Variants in USP53 observed in about 807,000 individuals in gnomAD.
The protein encoded by USP53 is ubiquitin carboxyl-terminal hydrolase 53.
USP53 carries 71 observed loss-of-function variants against 94.9 expected under a neutral mutation model. The observed-to-expected ratio is 0.75, with a 90% CI of 0.62 to 0.91. The LOEUF (loss-of-function observed/expected upper bound fraction) is 0.91, where lower values mean the gene tolerates loss of function less well. Ranked by LOEUF, USP53 falls within the 40% of genes least tolerant of loss-of-function variation. The probability of loss-of-function intolerance (pLI) is 0.00; values close to 1 mark genes in which losing one functional copy is unlikely to be tolerated. For synonymous variants in USP53, 375 were observed against 422.7 expected, an observed-to-expected ratio of 0.89 and a Z score of 1.39; for missense variants, 1,173 against 1,281.0, an observed-to-expected ratio of 0.92 and a Z score of 1.29.
intron 7 of USP53, 80 bp from the exon 8 acceptor site, chr4:119,256,166 A>T (rs1749738516): frequency 1.1e-6 from 1 of 950,582 alleles, no homozygotes; most frequent in African/African-American, 1.7e-5. Context: ...TACTTTGGAT[A>T]ATCTGCAGGT....
intron 17 of USP53, among the ~76,000 whole-genome samples, chr4:119,275,818 C>T (rs907379327): frequency 2.0e-5 from 3 of 152,052 alleles, no homozygotes; most frequent in Admixed American, 2.0e-4. Context: ...CTTCACATCC[C>T]TTGTAAGTTG....
At position 119,292,685 on chromosome 4, in the gene USP53, G is replaced by A. The variant is rs1010835294; in HGVS notation, c.2696G>A (p.Cys899Tyr). The change falls in exon 19 of 19, where the codon TGT becomes TAT. Residue 899 changes from cysteine to tyrosine, a missense_variant. Coordinates refer to ENST00000692078, the MANE Select transcript of USP53 (RefSeq NM_001371395.1). ...TTTGAGAACTCTCTATCCACAGAAT[G>A]TATAATTCGGTCAGCCAGCAGATCT... ...CYFENSLSTE[C>Y]IIRSASRSDG... The A allele has an allele frequency of 1.2e-6, 2 of 1,614,046 alleles. No homozygotes were observed. Among genetic ancestry groups the A allele is most frequent in the African/African-American group, 1.3e-5 (1 of 75,032 alleles).
At chr4:119,282,470 T>A (rs1040854533) in intron 17 of USP53, among the ~76,000 whole-genome samples, 1 of 152,128 alleles carries the variant, frequency 6.6e-6, no homozygotes, top group Non-Finnish European at 1.5e-5. Flanking sequence ...ATATCCTCAC[T>A]AGCACTTGTT....
At chr4:119,224,890 GA>G (rs1292612746) in intron 3 of USP53, among the ~76,000 whole-genome samples, 1 of 151,966 alleles carries the variant, frequency 6.6e-6, no homozygotes, top group African/African-American at 2.4e-5. Context: ...GCTTTTATCA[GA>G]AAACTGGAAA....
rs1219125789 is a variant in USP53 at position 119,212,880 on chromosome 4, C to A, written c.-942+7C>A. On this transcript the variant is annotated splice_region_variant and intron_variant, in intron 1 of 18. Coordinates refer to ENST00000692078, the MANE Select transcript of USP53 (RefSeq NM_001371395.1). ...AAGGAGGGTAGAGCTCAAGGTAAGTCTCCGAAACTAGCCCTCTGGTTGGAG... is the reference window on the plus strand; with the variant it reads ...AAGGAGGGTAGAGCTCAAGGTAAGTATCCGAAACTAGCCCTCTGGTTGGAG... 5.4e-6 allele frequency: 1 copy of A among 184,472 alleles called. No homozygotes were observed. Among genetic ancestry groups the A allele is most frequent in the Non-Finnish European group, 1.2e-5 (1 of 84,748 alleles). The allele number at this position is 184,472 out of a possible 1,614,324, so 11.4% of individuals were successfully genotyped here.
At chr4:119,241,420 T>C (rs190495108) in intron 5 of USP53, among the ~76,000 whole-genome samples, 36 of 152,270 alleles carry the variant, frequency 2.4e-4, no homozygotes, top group Admixed American at 1.8e-3. Flanking sequence ...TGGTGATGAA[T>C]TCTTTCAGCT....
At position 119,267,459 on chromosome 4, in the gene USP53, A is replaced by G. The variant is rs765824540; in HGVS notation, c.1112A>G (p.Tyr371Cys). 1 of 1,607,718 alleles carries G rather than the reference A, an allele frequency of 6.2e-7. No homozygotes were observed. The highest frequency in any genetic ancestry group is 1.1e-5 in the South Asian group (1 of 88,994). ...AGGCAGGTCATCAGCTGGTCACATT[A>G]CAAATCTGTTGCAGAAAATATGGGT... ...ALRQVISWSH[Y>C]KSVAENMGCE... Residue 371 changes from tyrosine to cysteine, a missense_variant, in exon 13 of 19, where the codon TAC (tyrosine) becomes TGC (cysteine). Coordinates refer to ENST00000692078, the MANE Select transcript of USP53 (RefSeq NM_001371395.1).
intron 3 of USP53, chr4:119,219,543 A>G (rs1744232506): frequency 1.3e-5 from 2 of 152,244 alleles, no homozygotes; most frequent in Non-Finnish European, 2.9e-5. Context: ...GGACTTGGAC[A>G]TATGTTTTTG....
intron 5 of USP53, among the ~76,000 whole-genome samples, chr4:119,240,313 C>T (rs1747350293): frequency 6.6e-6 from 1 of 152,082 alleles, no homozygotes; most frequent in South Asian, 2.1e-4. Flanking sequence ...GATTTCAGTA[C>T]TCAAACTCCC....
chr4:119,214,042 G>A (rs1301045215), intron 1 of USP53, 28 bp from the exon 2 acceptor site: 1 of 149,972 alleles, frequency 6.7e-6, no homozygotes, highest in East Asian at 2.0e-4. Context: ...TAGTTACATT[G>A]ATAATTGTTA....
At chr4:119,269,500 C>T (rs917413441) in intron 14 of USP53, among the ~76,000 whole-genome samples, 191 bp from the exon 15 acceptor site, 4 of 152,076 alleles carry the variant, frequency 2.6e-5, no homozygotes, top group Non-Finnish European at 5.9e-5. Context: ...TTTTAAAATA[C>T]AACATGCATC....
chr4:119,267,997 C>T (rs904824097), intron 13 of USP53, among the ~76,000 whole-genome samples: 1 of 151,862 alleles, frequency 6.6e-6, no homozygotes, highest in Non-Finnish European at 1.5e-5. Flanking sequence ...GAAACCCCGT[C>T]TCTACTAAAA....
chr4:119,280,379 C>G (rs1753378858), intron 17 of USP53, among the ~76,000 whole-genome samples: 1 of 152,084 alleles, frequency 6.6e-6, no homozygotes, highest in Admixed American at 6.6e-5. Context: ...TTTACTTTTA[C>G]TTAACAGAAG....
In USP53 at chr4:119,256,451, G is replaced by A. The variant is rs141895329; in HGVS notation, c.497G>A (p.Arg166His). 197 of 1,613,986 alleles carry A rather than the reference G, an allele frequency of 1.2e-4. 1 individual carries two copies. The highest frequency in any genetic ancestry group is 2.9e-4 in the East Asian group (13 of 44,852). Residue 166 changes from arginine (R) to histidine (H), a missense_variant, in exon 9 of 19, where the codon CGT becomes CAT. Transcript: ENST00000692078. ...AMTLYEQCVC[R>H]SCGASSDPLP... ...TTTTTACCTATATAGTGTGTGTGTC[G>A]TAGCTGTGGAGCATCGTCAGATCCT...
rs567933101 is a variant in USP53 at position 119,279,871 on chromosome 4, C to T, written c.2251+6163C>T. Among the ~76,000 whole-genome samples, 12 of 152,274 alleles carry T rather than the reference C, an allele frequency of 7.9e-5. No homozygotes were observed. In the East Asian group the frequency reaches 1.9e-3, roughly 25 times the overall value. On this transcript the variant is annotated intron_variant, in intron 17 of 18. Coordinates refer to ENST00000692078, the MANE Select transcript of USP53 (RefSeq NM_001371395.1). ...TGGGAGTGACCCGATTTTCCAGGTG[C>T]GTCCGTCACCCCTTTCTTTGACTCG...
At chr4:119,281,806 TG>T (rs1243188477) in intron 17 of USP53, among the ~76,000 whole-genome samples, 1 of 152,188 alleles carries the variant, frequency 6.6e-6, no homozygotes, top group African/African-American at 2.4e-5. Context: ...AATGCTTTTT[TG>T]TGGTAAAATA....
intron 18 of USP53, 145 bp from the exon 19 acceptor site, chr4:119,292,193 T>C (rs1754840364): frequency 1.1e-6 from 1 of 883,826 alleles, no homozygotes; most frequent in African/African-American, 1.7e-5. Context: ...TGGTTGCAAA[T>C]ATCTTTCCAT....
intron 2 of USP53, among the ~76,000 whole-genome samples, chr4:119,214,973 G>C (rs573080941): frequency 6.6e-6 from 1 of 152,286 alleles, no homozygotes; most frequent in Non-Finnish European, 1.5e-5. Flanking sequence ...ATCCTACAAA[G>C]ATGTTTGGTT....
chr4:119,268,701 A>AG (rs1266793481), intron 14 of USP53, among the ~76,000 whole-genome samples: 2 of 152,224 alleles, frequency 1.3e-5, no homozygotes, highest in African/African-American at 4.8e-5. Context: ...ATTTCATTCA[A>AG]GGAGTTAATT....
Sources: allele counts gnomAD v4.1 joint callset (sites outside exome capture counted in the v4.1 genomes callset), GRCh38; gene constraint gnomAD v4.1.1; transcripts MANE v1.5; gene names NCBI Gene and HGNC (gene_info 2026-07-23, HGNC 2026-07-21).